CNTNAP2: variants seen among roughly 807,000 people sequenced by gnomAD.
CNTNAP2 encodes contactin-associated protein-like 2.
Under a neutral mutation model 155.2 loss-of-function variants are expected in CNTNAP2, and 98 were observed. That is an observed-to-expected ratio of 0.63 (90% CI 0.54 to 0.75). CNTNAP2 has a LOEUF of 0.75. Ranked by LOEUF, CNTNAP2 falls within the 30% of genes least tolerant of loss-of-function variation. CNTNAP2 has a pLI of 0.00. For missense variants in CNTNAP2, 1,727 were observed against 1,688.1 expected (o/e 1.02, Z -0.40); for synonymous variants, 651 against 631.2 (o/e 1.03, Z -0.47).
chr7:146,759,608 T>C (rs1221644613), intron 1 of CNTNAP2, among the ~76,000 whole-genome samples: 3 of 138,620 alleles, frequency 2.2e-5, no homozygotes. Context: ...GGCAGGAGAA[T>C]AGCTTGAACC....
At chr7:148,272,961 G>T (rs1038474589) in intron 21 of CNTNAP2, among the ~76,000 whole-genome samples, 9 of 152,158 alleles carry the variant, frequency 5.9e-5, no homozygotes, top group African/African-American at 2.2e-4. Flanking sequence ...CCACATGCAG[G>T]GTGGATTAGA....
intron 12 of CNTNAP2, among the ~76,000 whole-genome samples, chr7:147,585,763 G>A (rs887759255): frequency 3.9e-5 from 4 of 102,130 alleles, no homozygotes; most frequent in African/African-American, 1.8e-4. Context: ...GTGTCTGTTT[G>A]TGTGTATATA....
chr7:148,072,111 T>C (rs1268212221), intron 15 of CNTNAP2, among the ~76,000 whole-genome samples: 1 of 152,198 alleles, frequency 6.6e-6, no homozygotes, highest in African/African-American at 2.4e-5. Context: ...CACAGCCTGA[T>C]TTATAATTGT....
chr7:146,992,357 G>A (rs569572018), intron 3 of CNTNAP2, among the ~76,000 whole-genome samples: 1 of 151,352 alleles, frequency 6.6e-6, no homozygotes, highest in African/African-American at 2.4e-5. Flanking sequence ...TATTGTTGTA[G>A]GACTTTCTCC....
chr7:146,260,564 G>T (rs973199902), intron 1 of CNTNAP2, among the ~76,000 whole-genome samples: 8 of 152,208 alleles, frequency 5.3e-5, no homozygotes, highest in African/African-American at 1.9e-4. Context: ...GGAGTCAAAA[G>T]AGATTATTTT....
intron 22 of CNTNAP2, among the ~76,000 whole-genome samples, chr7:148,394,826 G>C (rs570318489): frequency 5.4e-5 from 8 of 148,838 alleles, no homozygotes; most frequent in African/African-American, 1.8e-4. Context: ...GAGATAAGCA[G>C]CCTTGAGGCA....
intron 12 of CNTNAP2, among the ~76,000 whole-genome samples, chr7:147,588,192 TACAG>T (rs1440046193): frequency 6.8e-6 from 1 of 147,822 alleles, no homozygotes; most frequent in Non-Finnish European, 1.5e-5. Context: ...GAGATGGACA[TACAG>T]AGAGAGAGAA....
intron 9 of CNTNAP2, among the ~76,000 whole-genome samples, chr7:147,300,871 C>T (rs1022366251): frequency 1.3e-5 from 2 of 151,884 alleles, no homozygotes; most frequent in African/African-American, 4.8e-5. Flanking sequence ...GTAGCCTCTC[C>T]CGGGGGTCAC....
At chr7:147,005,605 C>T (rs556181909) in intron 3 of CNTNAP2, among the ~76,000 whole-genome samples, 15 of 151,914 alleles carry the variant, frequency 9.9e-5, no homozygotes, top group Non-Finnish European at 1.6e-4. Flanking sequence ...AGGATATGGG[C>T]CAGGGTGCAG....
intron 8 of CNTNAP2, among the ~76,000 whole-genome samples, chr7:147,164,703 T>C (rs1802085459): frequency 6.6e-6 from 1 of 152,190 alleles, no homozygotes; most frequent in Non-Finnish European, 1.5e-5. Context: ...TTTTCTCAGT[T>C]TAAACTTTAT....
chr7:146,941,178 T>C (rs1342577605), intron 3 of CNTNAP2, among the ~76,000 whole-genome samples: 1 of 152,158 alleles, frequency 6.6e-6, no homozygotes, highest in Non-Finnish European at 1.5e-5. Flanking sequence ...GTTTTGAAGA[T>C]TCTTTCTTCT....
At chr7:146,802,914 T>G (rs1370699282) in intron 2 of CNTNAP2, among the ~76,000 whole-genome samples, 2 of 152,178 alleles carry the variant, frequency 1.3e-5, no homozygotes, top group East Asian at 1.9e-4. Flanking sequence ...AAGTAAGAGA[T>G]ATACTCTGAA....
rs538622604 is a variant in CNTNAP2 at position 147,882,762 on chromosome 7, A to G, written c.2099-20803A>G. Among the ~76,000 whole-genome samples the G allele has an allele frequency of 2.0e-4, 27 of 138,406 alleles. No homozygotes were observed. In the South Asian group the frequency reaches 4.5e-3, roughly 23 times the overall value. The allele number at this position is 138,406 out of a possible 152,430, so 90.8% of individuals were successfully genotyped here. ...TTATTACTCATTACCCTAAACCTAAAGAAGACAGACAGGACAGAACCCAGG... is the reference window on the plus strand; with the variant it reads ...TTATTACTCATTACCCTAAACCTAAGGAAGACAGACAGGACAGAACCCAGG... On this transcript the variant is annotated intron_variant, in intron 13 of 23. Coordinates refer to ENST00000361727, the MANE Select transcript of CNTNAP2 (RefSeq NM_014141.6).
intron 13 of CNTNAP2, among the ~76,000 whole-genome samples, chr7:147,900,644 T>G (rs1260365739): frequency 6.6e-6 from 1 of 152,036 alleles, no homozygotes; most frequent in African/African-American, 2.4e-5. Flanking sequence ...TGAGACAGAG[T>G]CTCGCTCTGT....
At chr7:147,322,422 G>C (rs1391502569) in intron 9 of CNTNAP2, among the ~76,000 whole-genome samples, 1 of 152,190 alleles carries the variant, frequency 6.6e-6, no homozygotes, top group Non-Finnish European at 1.5e-5. Context: ...ATTTAATAAA[G>C]TGGCATTCAA....
intron 5 of CNTNAP2, among the ~76,000 whole-genome samples, chr7:147,116,647 C>G (rs1355620919): frequency 2.0e-5 from 3 of 152,206 alleles, no homozygotes; most frequent in Non-Finnish European, 4.4e-5. Flanking sequence ...CTTGGACTCT[C>G]CAAAGCCCAC....
chr7:146,463,785 C>T (rs1338695520), intron 1 of CNTNAP2, among the ~76,000 whole-genome samples: 2 of 151,722 alleles, frequency 1.3e-5, no homozygotes, highest in Non-Finnish European at 2.9e-5. Flanking sequence ...ATACTAGATT[C>T]TAATATAGTG....
At chr7:146,624,810 A>AC (rs1799392735) in intron 1 of CNTNAP2, among the ~76,000 whole-genome samples, 1 of 152,130 alleles carries the variant, frequency 6.6e-6, no homozygotes, top group East Asian at 1.9e-4. Flanking sequence ...AGGTCAGTGT[A>AC]GAAAGAATTG....
At chr7:148,211,864 T>G (rs1585190751) in intron 18 of CNTNAP2, among the ~76,000 whole-genome samples, 1 of 152,236 alleles carries the variant, frequency 6.6e-6, no homozygotes, top group East Asian at 1.9e-4. Context: ...TGGGGAAGTT[T>G]TCCAAGTTGC....
Sources: gnomAD v4.1 joint callset for allele counts (sites outside exome capture counted in the v4.1 genomes callset) on GRCh38, gnomAD v4.1.1 for gene constraint, MANE v1.5 for transcripts, NCBI Gene and HGNC (gene_info 2026-07-23, HGNC 2026-07-21) for gene names.